GNAT3: variants seen among roughly 807,000 people sequenced by gnomAD.
The protein encoded by GNAT3 is guanine nucleotide-binding protein G(t) subunit alpha-3.
Under a neutral mutation model 37.7 loss-of-function variants are expected in GNAT3, and 31 were observed. The observed-to-expected ratio is 0.82, with a 90% CI of 0.62 to 1.11. The LOEUF (loss-of-function observed/expected upper bound fraction) is 1.11, where lower values mean the gene tolerates loss of function less well. GNAT3 is among the 50% of genes most tolerant of loss of function. The pLI is 0.00. For missense variants in GNAT3, 437 were observed against 412.5 expected (o/e 1.06, Z -0.51); for synonymous variants, 138 against 139.8 (o/e 0.99, Z 0.09).
At chr7:80,476,718 A>G (rs1389391631) in intron 4 of GNAT3, among the ~76,000 whole-genome samples, 1 of 152,014 alleles carries the variant, frequency 6.6e-6, no homozygotes, top group African/African-American at 2.4e-5. Flanking sequence ...ACATTATAGT[A>G]CCAATCTCAT....
intron 1 of GNAT3, among the ~76,000 whole-genome samples, chr7:80,506,779 T>C (rs1166178497): frequency 6.6e-6 from 1 of 152,176 alleles, no homozygotes; most frequent in Non-Finnish European, 1.5e-5. Context: ...TATGTATTTG[T>C]TGTGTACAAC....
At chr7:80,469,269 T>A (rs1790171746) in intron 5 of GNAT3, among the ~76,000 whole-genome samples, 2 of 152,148 alleles carry the variant, frequency 1.3e-5, no homozygotes, top group South Asian at 4.1e-4. Context: ...ATTGTTAACC[T>A]TTTTTCCTTA....
chr7:80,480,097 A>T (rs78121617), intron 3 of GNAT3, among the ~76,000 whole-genome samples: 19,159 of 152,138 alleles, frequency 0.13, 2,045 homozygotes, highest in African/African-American at 0.29. Flanking sequence ...ATCATTTTTT[A>T]AAAAATTAAG....
intron 1 of GNAT3, among the ~76,000 whole-genome samples, chr7:80,502,151 C>T (rs574496747): frequency 2.6e-5 from 4 of 152,020 alleles, no homozygotes; most frequent in East Asian, 1.9e-4. Context: ...AATAAGAGGA[C>T]AGGAAACAAC....
intron 1 of GNAT3, 85 bp downstream of exon 1, chr7:80,511,724 C>G (rs1006712314): frequency 1.3e-6 from 1 of 773,624 alleles, no homozygotes; most frequent in African/African-American, 1.8e-5. Context: ...TGATAATACA[C>G]TCGAAATTAA....
At chr7:80,479,028 TG>T (rs1562724642) in intron 3 of GNAT3, 30 bp from the exon 4 acceptor site, 1 of 1,470,434 alleles carries the variant, frequency 6.8e-7, no homozygotes, top group East Asian at 2.4e-5. Context: ...AGAATAAGTA[TG>T]TATTATTTGG....
chr7:80,460,009 C>T (rs73386744), intron 7 of GNAT3, among the ~76,000 whole-genome samples: 7,547 of 152,266 alleles, frequency 0.05, 291 homozygotes, highest in African/African-American at 0.11. Flanking sequence ...CTTATGTCTA[C>T]ACAGAAGCTT....
chr7:80,494,274 A>G (rs1790671967), intron 2 of GNAT3, among the ~76,000 whole-genome samples: 1 of 152,202 alleles, frequency 6.6e-6, no homozygotes, highest in African/African-American at 2.4e-5. Context: ...AAAATCAAAT[A>G]TATGATTGAT....
At chr7:80,463,372 C>A (rs1790084053) in intron 5 of GNAT3, among the ~76,000 whole-genome samples, 1 of 151,984 alleles carries the variant, frequency 6.6e-6, no homozygotes, top group South Asian at 2.1e-4. Context: ...AGGAGCTAGG[C>A]AGTAAAAAGT....
Position 80,485,604 on chromosome 7 carries a change from A to C in GNAT3, c.303+2931T>G, listed in dbSNP as rs181908998. 3.5e-3 allele frequency among the ~76,000 whole-genome samples: 532 copies of C among 152,200 alleles called. 2 individuals carry two copies. Among genetic ancestry groups the C allele is most frequent in the African/African-American group, 0.012 (508 of 41,560 alleles). On this transcript the variant is annotated intron_variant, in intron 3 of 7. Coordinates refer to ENST00000398291, the MANE Select transcript of GNAT3 (RefSeq NM_001102386.3). ...GACAAATATTATTTCCATCTCAGTT[A>C]CTGCTGAGCCCTCACTACATCCCCG...
intron 1 of GNAT3, among the ~76,000 whole-genome samples, chr7:80,503,995 A>C (rs1790883983): frequency 6.6e-6 from 1 of 152,220 alleles, no homozygotes; most frequent in Admixed American, 6.5e-5. Context: ...GGGATATAAA[A>C]TTGAGGACTG....
At chr7:80,482,089 G>A (rs1790400222) in intron 3 of GNAT3, among the ~76,000 whole-genome samples, 1 of 152,072 alleles carries the variant, frequency 6.6e-6, no homozygotes, top group Non-Finnish European at 1.5e-5. Context: ...CTGTGCCATG[G>A]GTCATGGCCC....
At chr7:80,505,008 T>C (rs1027698395) in intron 1 of GNAT3, among the ~76,000 whole-genome samples, 5 of 152,220 alleles carry the variant, frequency 3.3e-5, no homozygotes, top group African/African-American at 1.2e-4. Context: ...TGTTTTATTC[T>C]ACAACATCTG....
At chr7:80,508,979 T>C (rs1791003703) in intron 1 of GNAT3, among the ~76,000 whole-genome samples, 1 of 152,092 alleles carries the variant, frequency 6.6e-6, no homozygotes, top group Admixed American at 6.6e-5. Context: ...ACTACTAAGG[T>C]TAAACTGGTT....
intron 1 of GNAT3, among the ~76,000 whole-genome samples, chr7:80,502,196 TGTG>T (rs1790845835): frequency 6.6e-6 from 1 of 151,924 alleles, no homozygotes; most frequent in African/African-American, 2.4e-5. Context: ...CTGTGTGGAT[TGTG>T]GTGACGATTT....
intron 5 of GNAT3, among the ~76,000 whole-genome samples, chr7:80,474,022 C>T (rs1187360791): frequency 1.3e-5 from 2 of 152,054 alleles, no homozygotes; most frequent in Admixed American, 1.3e-4. Context: ...CCCACCTGCT[C>T]AAGCCAGAAG....
At chr7:80,483,496 T>G (rs1790425728) in intron 3 of GNAT3, among the ~76,000 whole-genome samples, 1 of 152,112 alleles carries the variant, frequency 6.6e-6, no homozygotes, top group South Asian at 2.1e-4. Flanking sequence ...TTAACTCCTA[T>G]TTTATTGTTA....
chr7:80,480,468 G>C (rs1214412458), intron 3 of GNAT3, among the ~76,000 whole-genome samples: 1 of 152,120 alleles, frequency 6.6e-6, no homozygotes, highest in African/African-American at 2.4e-5. Context: ...GATCCCAAGA[G>C]AGGGTTCTTG....
At chr7:80,495,453 GT>G (rs577094301) in intron 1 of GNAT3, among the ~76,000 whole-genome samples, 14 of 142,612 alleles carry the variant, frequency 9.8e-5, no homozygotes, top group Middle Eastern at 3.6e-3. Flanking sequence ...TCTCACTGTA[GT>G]TTTTTTTTTT....
Sources: gnomAD v4.1 joint callset for allele counts (sites outside exome capture counted in the v4.1 genomes callset) on GRCh38, gnomAD v4.1.1 for gene constraint, MANE v1.5 for transcripts, NCBI Gene and HGNC (gene_info 2026-07-23, HGNC 2026-07-21) for gene names.